Variants in ARHGAP42 observed in about 807,000 individuals in gnomAD.
ARHGAP42 encodes Rho GTPase activating protein 42, also known as rho GTPase-activating protein 42.
In ARHGAP42, 63 loss-of-function variants were observed where a neutral mutation model predicts 125.0. That is an observed-to-expected ratio of 0.50 (90% CI 0.41 to 0.62). The LOEUF (loss-of-function observed/expected upper bound fraction) is 0.62. Ranked by LOEUF, ARHGAP42 falls within the 20% of genes least tolerant of loss-of-function variation. The pLI is 0.00. For synonymous variants in ARHGAP42, 339 were observed against 351.0 expected (o/e 0.97, Z 0.38); for missense variants, 766 against 1,024.2 (o/e 0.75, Z 3.44).
At chr11:100,828,953 C>T (rs558380454) in intron 3 of ARHGAP42, among the ~76,000 whole-genome samples, 20 of 152,228 alleles carry the variant, frequency 1.3e-4, no homozygotes, top group Admixed American at 9.8e-4. Flanking sequence ...TAATTTTGCA[C>T]GTTTGGCTGC....
intron 4 of ARHGAP42, among the ~76,000 whole-genome samples, 182 bp from the exon 5 acceptor site, chr11:100,913,270 A>G (rs1418547130): frequency 2.6e-5 from 4 of 152,218 alleles, no homozygotes; most frequent in Admixed American, 2.6e-4. Flanking sequence ...AGAGCAGAGT[A>G]CATACTGAAA....
chr11:100,968,176 T>C (rs1187075902), intron 17 of ARHGAP42, among the ~76,000 whole-genome samples: 2 of 152,244 alleles, frequency 1.3e-5, no homozygotes, highest in Non-Finnish European at 2.9e-5. Context: ...TCAACCTGTT[T>C]GTATTTCTGA....
intron 3 of ARHGAP42, among the ~76,000 whole-genome samples, chr11:100,837,157 T>TAAA (rs1864807879): frequency 6.6e-6 from 1 of 152,182 alleles, no homozygotes; most frequent in African/African-American, 2.4e-5. Flanking sequence ...ACTCTTTGTC[T>TAAA]TGAGACTGTT....
intron 22 of ARHGAP42, among the ~76,000 whole-genome samples, chr11:100,981,356 C>T (rs1259395516): frequency 6.6e-6 from 1 of 152,160 alleles, no homozygotes; most frequent in Non-Finnish European, 1.5e-5. Context: ...ACCTGATATT[C>T]TTTTGTACTC....
At chr11:100,889,571 A>C (rs528633113) in intron 4 of ARHGAP42, among the ~76,000 whole-genome samples, 1 of 152,322 alleles carries the variant, frequency 6.6e-6, no homozygotes, top group African/African-American at 2.4e-5. Context: ...TTATAGCCAC[A>C]CAAACAGACT....
chr11:100,950,395 T>A (rs907490857), intron 12 of ARHGAP42, among the ~76,000 whole-genome samples: 3 of 150,220 alleles, frequency 2.0e-5, no homozygotes, highest in African/African-American at 4.9e-5. Context: ...TATAACACAG[T>A]GGAGAGCTTC....
At chr11:100,698,546 A>G (rs1861331543) in intron 1 of ARHGAP42, among the ~76,000 whole-genome samples, 1 of 152,138 alleles carries the variant, frequency 6.6e-6, no homozygotes, top group Admixed American at 6.5e-5. Context: ...ATGGTGGCGC[A>G]TGCCTGTAAT....
At chr11:100,776,875 C>T (rs201431747) in intron 2 of ARHGAP42, among the ~76,000 whole-genome samples, 4 of 150,714 alleles carry the variant, frequency 2.7e-5, no homozygotes, top group Non-Finnish European at 5.9e-5. Flanking sequence ...CCCAGCTACT[C>T]GGGAAGCTGA....
At chr11:100,699,948 C>G (rs1292310509) in intron 1 of ARHGAP42, among the ~76,000 whole-genome samples, 1 of 152,116 alleles carries the variant, frequency 6.6e-6, no homozygotes, top group Non-Finnish European at 1.5e-5. Context: ...GCCAGCCATC[C>G]AGGGTATTCT....
In ARHGAP42 at chr11:100,806,665, T is replaced by C. The variant is rs142309786; in HGVS notation, c.312+11499T>C. Among the ~76,000 whole-genome samples, 458 of 152,240 alleles carry C rather than the reference T, an allele frequency of 3.0e-3. 1 individual carries two copies. Among genetic ancestry groups the C allele is most frequent in the Middle Eastern group, 0.01 (3 of 294 alleles). On this transcript the variant is annotated intron_variant, in intron 3 of 23. Transcript: ENST00000298815. The stretch of plus-strand genomic sequence containing the variant: ...AGTTCTGATTTTCACATTTACTGAA[T>C]TGTGGATGCTTTCCATCTCCTGATT...
Position 100,989,100 on chromosome 11 carries a change from C to G in ARHGAP42, c.*299C>G, listed in dbSNP as rs1363290358. The G allele has an allele frequency of 4.5e-6, 2 of 443,158 alleles. No homozygotes were observed. Among genetic ancestry groups the G allele is most frequent in the Non-Finnish European group, 8.0e-6 (2 of 249,296 alleles). The allele number at this position is 443,158 out of a possible 1,614,324, so 27.5% of individuals were successfully genotyped here. A position where few individuals can be genotyped will look rare whatever the true frequency, so the allele number is the denominator to read the frequency against. On this transcript the variant is annotated 3_prime_UTR_variant, in exon 24 of 24. Coordinates refer to ENST00000298815, the MANE Select transcript of ARHGAP42 (RefSeq NM_152432.4). ...CGTAGCAATTGTAGAGTTTCAAATACTGTGTTAAATACTGTATCCCAGAAA... is the reference window on the plus strand; with the variant it reads ...CGTAGCAATTGTAGAGTTTCAAATAGTGTGTTAAATACTGTATCCCAGAAA...
intron 1 of ARHGAP42, among the ~76,000 whole-genome samples, chr11:100,704,999 A>AACC: frequency 1.1e-5 from 1 of 94,438 alleles, no homozygotes; most frequent in Admixed American, 9.7e-5. Context: ...GCCAAACCCC[A>AACC]ACAACAACAA....
intron 19 of ARHGAP42, 91 bp downstream of exon 19, chr11:100,974,694 G>A: frequency 3.1e-6 from 4 of 1,292,940 alleles, no homozygotes; most frequent in Non-Finnish European, 2.1e-6. Context: ...AATAGAAGAT[G>A]TTCTCACTGA....
At position 100,973,324 on chromosome 11, in the gene ARHGAP42, A is replaced by G; in HGVS notation, c.1700A>G (p.His567Arg). The G allele has an allele frequency of 6.5e-7, 1 of 1,549,508 alleles. No individual in the cohort carries two copies. Among genetic ancestry groups the G allele is most frequent in the Middle Eastern group, 1.7e-4 (1 of 5,972 alleles). Residue 567 changes from histidine to arginine, a missense_variant, in exon 18 of 24, where the codon CAC (histidine) becomes CGC (arginine). By Grantham distance (29) the His-to-Arg change is conservative. Coordinates refer to ENST00000298815, the MANE Select transcript of ARHGAP42 (RefSeq NM_152432.4). ...QNIVVEILIE[H>R]YEKIFHTAPD... ...ATTGTGGTAGAAATTCTGATAGAGC[A>G]CTATGAAAAGGTAGGCGGAATTTTC...
At chr11:100,845,076 GATAT>G (rs148986702) in intron 3 of ARHGAP42, among the ~76,000 whole-genome samples, 1 of 148,420 alleles carries the variant, frequency 6.7e-6, no homozygotes, top group Non-Finnish European at 1.5e-5. Context: ...AAGAAACTGT[GATAT>G]ATATATATAT....
At chr11:100,844,297 C>T (rs1322900948) in intron 3 of ARHGAP42, among the ~76,000 whole-genome samples, 1 of 149,350 alleles carries the variant, frequency 6.7e-6, no homozygotes. Context: ...CAAAAATCAA[C>T]TCAAGATGTA....
At chr11:100,967,916 G>T (rs1488418874) in intron 17 of ARHGAP42, among the ~76,000 whole-genome samples, 1 of 151,972 alleles carries the variant, frequency 6.6e-6, no homozygotes, top group South Asian at 2.1e-4. Context: ...TAGAGACGGG[G>T]TTTCACCACG....
At chr11:100,953,663 T>C (rs1399418764) in intron 12 of ARHGAP42, among the ~76,000 whole-genome samples, 1 of 152,152 alleles carries the variant, frequency 6.6e-6, no homozygotes, top group Non-Finnish European at 1.5e-5. Flanking sequence ...TAATTTACCA[T>C]TTTCAAAGTA....
intron 3 of ARHGAP42, among the ~76,000 whole-genome samples, chr11:100,803,657 G>T (rs61890784): frequency 0.051 from 7,742 of 152,202 alleles, 256 homozygotes; most frequent in East Asian, 0.18. Context: ...AGGACAGAAG[G>T]TCCAAATTAT....
Sources: gnomAD v4.1 joint callset for allele counts (sites outside exome capture counted in the v4.1 genomes callset) on GRCh38, gnomAD v4.1.1 for gene constraint, MANE v1.5 for transcripts, NCBI Gene and HGNC (gene_info 2026-07-23, HGNC 2026-07-21) for gene names.